Variants in WASF1 observed in about 807,000 individuals in gnomAD.
The protein encoded by WASF1 is WASP family member 1.
In WASF1, 7 loss-of-function variants were observed where a neutral mutation model predicts 50.5. The ratio of observed to expected loss-of-function variants is 0.14; its 90% CI spans 0.08 to 0.26. WASF1 has a LOEUF of 0.26. Among genes scored for constraint, WASF1 ranks in the 10% least tolerant of loss-of-function variants. The probability of loss-of-function intolerance (pLI) is 1.00; values close to 1 mark genes in which losing one functional copy is unlikely to be tolerated. For synonymous variants in WASF1, 205 were observed against 244.0 expected, an observed-to-expected ratio of 0.84 and a Z score of 1.49; for missense variants, 470 against 694.7, an observed-to-expected ratio of 0.68 and a Z score of 3.64.
intron 3 of WASF1, among the ~76,000 whole-genome samples, chr6:110,147,955 C>G (rs1288930049): frequency 6.6e-6 from 1 of 152,074 alleles, no homozygotes; most frequent in Non-Finnish European, 1.5e-5. Flanking sequence ...CCATGTTGCC[C>G]GGGCTGGCCT....
chr6:110,169,626 G>A (rs993564073), intron 2 of WASF1, among the ~76,000 whole-genome samples: 5 of 152,004 alleles, frequency 3.3e-5, no homozygotes, highest in East Asian at 1.9e-4. Flanking sequence ...CCAGTATTGC[G>A]ACCTAACAAG....
chr6:110,108,757 T>C (rs1170248939), intron 5 of WASF1, 76 bp from the exon 6 acceptor site: 1 of 1,415,666 alleles, frequency 7.1e-7, no homozygotes, highest in Admixed American at 2.1e-5. Flanking sequence ...TCACATACTT[T>C]ATTTGTCTAA....
At position 110,152,636 on chromosome 6, in the gene WASF1, A is replaced by G. The variant is rs1775873463; in HGVS notation, c.-29+7999T>C. Among the ~76,000 whole-genome samples, 5 of 152,184 alleles carry G rather than the reference A, an allele frequency of 3.3e-5. No individual in the cohort carries two copies. The South Asian group carries it at 1.0e-3, about 32-fold the overall frequency. On this transcript the variant is annotated intron_variant, in intron 3 of 10. Coordinates refer to ENST00000392589, the MANE Select transcript of WASF1 (RefSeq NM_003931.3). ...CCCAGAGCCAACAGAAAAGAAATGT[A>G]GCCGTCAGTGCCATGATTTTGGACT...
intron 6 of WASF1, among the ~76,000 whole-genome samples, chr6:110,108,252 G>A (rs1002131146): frequency 4.0e-5 from 6 of 151,526 alleles, no homozygotes; most frequent in South Asian, 2.1e-4. Context: ...AAATTAAAAG[G>A]ACAATAATAA....
chr6:110,162,863 T>C (rs1201648917), intron 2 of WASF1, among the ~76,000 whole-genome samples: 1 of 151,574 alleles, frequency 6.6e-6, no homozygotes, highest in African/African-American at 2.4e-5. Context: ...GAAAGGATGT[T>C]CCCTCTTACA....
chr6:110,166,240 GA>G (rs946791829), intron 2 of WASF1, among the ~76,000 whole-genome samples: 8 of 146,974 alleles, frequency 5.4e-5, no homozygotes, highest in Non-Finnish European at 7.5e-5. Flanking sequence ...TTTACCAATT[GA>G]AAAAAAAAAT....
At position 110,143,330 on chromosome 6, in the gene WASF1, T is replaced by G. The variant is rs1222282289; in HGVS notation, c.-28-15701A>C. On this transcript the variant is annotated intron_variant, in intron 3 of 10. Coordinates refer to ENST00000392589, the MANE Select transcript of WASF1 (RefSeq NM_003931.3). The stretch of plus-strand genomic sequence containing the variant: ...CTGAAATCTAACCATAGCAAAATGT[T>G]TGACAGAATTCTAAATTGTTTATTT... Among the ~76,000 whole-genome samples the G allele has an allele frequency of 2.6e-5, 4 of 150,954 alleles. 1 individual carries two copies. The highest frequency in any genetic ancestry group is 9.8e-5 in the African/African-American group (4 of 40,706).
intron 3 of WASF1, among the ~76,000 whole-genome samples, chr6:110,132,401 A>G (rs867732827): frequency 5.3e-5 from 8 of 151,884 alleles, no homozygotes; most frequent in Non-Finnish European, 1.2e-4. Flanking sequence ...ATACATAAGG[A>G]TGATGGCAAA....
Position 110,108,642 on chromosome 6 carries a change from C to G in WASF1, c.308G>C (p.Ser103Thr). ...AAGCTGCTGGTCTTGAATTGTAGAA[C>G]TTCGGAAAGCTTTCCTCATTGTTAT... ...QDITMRKAFR[S>T]STIQDQQLFD... Residue 103 changes from serine (S) to threonine (T), a missense_variant, in exon 6 of 11, where the codon AGT becomes ACT. This residue lies in a region of WASF1 where 140 missense variants were observed against 260.5 expected (regional missense o/e 0.54). Coordinates refer to ENST00000392589, the MANE Select transcript of WASF1 (RefSeq NM_003931.3). The G allele has an allele frequency of 6.2e-7, 1 of 1,613,984 alleles. No individual in the cohort carries two copies. The highest frequency in any genetic ancestry group is 8.5e-7 in the Non-Finnish European group (1 of 1,179,956).
At chr6:110,101,453 T>C in intron 10 of WASF1, 135 bp downstream of exon 10, 2 of 1,127,428 alleles carry the variant, frequency 1.8e-6, no homozygotes, top group Non-Finnish European at 2.5e-6. Flanking sequence ...GATATAGCTT[T>C]ACTTTCTAAA....
intron 3 of WASF1, among the ~76,000 whole-genome samples, chr6:110,131,344 T>C (rs1431421414): frequency 1.3e-5 from 2 of 152,208 alleles, no homozygotes; most frequent in Admixed American, 6.5e-5. Flanking sequence ...AGCAGTTAGG[T>C]TTCTTATATA....
At chr6:110,151,889 T>C (rs1174175722) in intron 3 of WASF1, among the ~76,000 whole-genome samples, 1 of 152,176 alleles carries the variant, frequency 6.6e-6, no homozygotes, top group African/African-American at 2.4e-5. Flanking sequence ...TACATCTTAT[T>C]TGGGTGTCAC....
chr6:110,146,213 A>G (rs938475636), intron 3 of WASF1, among the ~76,000 whole-genome samples: 1 of 152,258 alleles, frequency 6.6e-6, no homozygotes, highest in Non-Finnish European at 1.5e-5. Context: ...TGTGACCTAA[A>G]GGAACAGGTT....
intron 3 of WASF1, among the ~76,000 whole-genome samples, chr6:110,153,806 CCAA>C (rs1775932005): frequency 6.7e-6 from 1 of 148,484 alleles, no homozygotes; most frequent in Non-Finnish European, 1.5e-5. Context: ...AAAAAAAAAG[CCAA>C]CAATAGGAAA....
At chr6:110,132,872 CT>C (rs34288208) in intron 3 of WASF1, among the ~76,000 whole-genome samples, 1 of 149,604 alleles carries the variant, frequency 6.7e-6, no homozygotes, top group African/African-American at 2.5e-5. Context: ...TATTTTCATT[CT>C]TTTTTATGGC....
At chr6:110,124,774 A>G (rs756190792) in intron 4 of WASF1, among the ~76,000 whole-genome samples, 45 of 152,048 alleles carry the variant, frequency 3.0e-4, no homozygotes, top group Non-Finnish European at 5.4e-4. Context: ...GCCAGGCATG[A>G]TGGCACTCGC....
intron 5 of WASF1, among the ~76,000 whole-genome samples, chr6:110,112,932 C>A (rs980376926): frequency 8.7e-5 from 13 of 149,164 alleles, no homozygotes; most frequent in Non-Finnish European, 1.8e-4. Flanking sequence ...CAGTTACATT[C>A]TTGTAGAATC....
At chr6:110,105,664 C>T (rs1773292223) in intron 7 of WASF1, 85 bp from the exon 8 acceptor site, 1 of 1,265,346 alleles carries the variant, frequency 7.9e-7, no homozygotes, top group Admixed American at 2.0e-5. Context: ...TAAACTCTAA[C>T]ATCAACACTG....
At chr6:110,161,061 T>C (rs760286394) in intron 2 of WASF1, among the ~76,000 whole-genome samples, 1 of 151,568 alleles carries the variant, frequency 6.6e-6, no homozygotes, top group Non-Finnish European at 1.5e-5. Context: ...CTGGAAAATC[T>C]TTAGCTGTTA....
Sources: gnomAD v4.1 joint callset for allele counts (sites outside exome capture counted in the v4.1 genomes callset) on GRCh38, gnomAD v4.1.1 for gene constraint, gnomAD v4.1.1 regional missense constraint, MANE v1.5 for transcripts, NCBI Gene and HGNC (gene_info 2026-07-23, HGNC 2026-07-21) for gene names.